Variants in NIPBL observed in about 807,000 individuals in gnomAD.
NIPBL encodes the protein nipped-B-like protein.
A neutral mutation model predicts 321.8 loss-of-function variants in NIPBL; 19 were observed. The ratio of observed to expected loss-of-function variants is 0.06; its 90% CI spans 0.04 to 0.09. The LOEUF (loss-of-function observed/expected upper bound fraction) is 0.09, where lower values mean the gene tolerates loss of function less well. Among genes scored for constraint, NIPBL ranks in the 10% least tolerant of loss-of-function variants. The pLI is 1.00. For synonymous variants in NIPBL, 1,106 were observed against 1,114.1 expected (o/e 0.99, Z 0.14); for missense variants, 2,210 against 3,327.0 (o/e 0.66, Z 8.26).
At chr5:37,013,199 G>C (rs1748419553) in intron 21 of NIPBL, among the ~76,000 whole-genome samples, 2 of 151,466 alleles carry the variant, frequency 1.3e-5, no homozygotes, top group African/African-American at 4.8e-5. Context: ...CCCGGACGGG[G>C]CGGCTGGCCG....
At chr5:36,968,103 A>T (rs1264117630) in intron 6 of NIPBL, among the ~76,000 whole-genome samples, 1 of 149,472 alleles carries the variant, frequency 6.7e-6, no homozygotes, top group Non-Finnish European at 1.5e-5. Flanking sequence ...CTCAAAAAAA[A>T]AAAAAAAACA....
chr5:37,048,470 A>C, intron 38 of NIPBL, 32 bp from the exon 39 acceptor site: 1 of 1,359,668 alleles, frequency 7.4e-7, no homozygotes. Flanking sequence ...TTTAATATGA[A>C]TATATGATGA....
chr5:36,878,486 TA>T (rs1745262805), intron 1 of NIPBL, among the ~76,000 whole-genome samples: 1 of 152,224 alleles, frequency 6.6e-6, no homozygotes, highest in Non-Finnish European at 1.5e-5. Flanking sequence ...GTACCTGGGT[TA>T]CACGTTTTGA....
intron 1 of NIPBL, among the ~76,000 whole-genome samples, chr5:36,908,359 A>G (rs1038044559): frequency 1.2e-4 from 19 of 152,186 alleles, no homozygotes; most frequent in African/African-American, 3.9e-4. Context: ...CATTTTGCAT[A>G]TTATGGATGT....
intron 1 of NIPBL, among the ~76,000 whole-genome samples, chr5:36,894,456 T>C (rs1200402829): frequency 6.6e-6 from 1 of 152,182 alleles, no homozygotes; most frequent in African/African-American, 2.4e-5. Flanking sequence ...CAAAAATACA[T>C]GTATATAAAA....
At position 37,006,542 on chromosome 5, in the gene NIPBL, A is replaced by T; in HGVS notation, c.4041A>T (p.Thr1347=). ...IQYTKFHLQN[T]LYPQYDPVYR... Reference sequence around the variant, plus strand: ...ACACTAAATTTCATTTGCAGAATACACTTTATCCTCAGTATGATCCTGTTT... The same window carrying T: ...ACACTAAATTTCATTTGCAGAATACTCTTTATCCTCAGTATGATCCTGTTT... The change falls in exon 17 of 47, where the codon ACA becomes ACT. Residue 1347 remains threonine (T), a synonymous_variant. Coordinates refer to ENST00000282516, the MANE Select transcript of NIPBL (RefSeq NM_133433.4). 2 of 1,610,380 alleles carry T rather than the reference A, an allele frequency of 1.2e-6. No individual in the cohort carries two copies. Among genetic ancestry groups the T allele is most frequent in the Non-Finnish European group, 1.7e-6 (2 of 1,177,084 alleles).
chr5:36,936,251 A>G (rs1738413402), intron 1 of NIPBL, among the ~76,000 whole-genome samples: 2 of 152,152 alleles, frequency 1.3e-5, no homozygotes, highest in African/African-American at 2.4e-5. Flanking sequence ...ATTTTTGAGT[A>G]TATATAACAT....
intron 40 of NIPBL, among the ~76,000 whole-genome samples, chr5:37,050,764 AT>A (rs1753453024): frequency 1.3e-5 from 2 of 152,180 alleles, no homozygotes. Flanking sequence ...CTGATACAAT[AT>A]TATCTAATAT....
At chr5:36,961,237 C>T (rs1707010481) in intron 4 of NIPBL, among the ~76,000 whole-genome samples, 1 of 152,058 alleles carries the variant, frequency 6.6e-6, no homozygotes. Context: ...ATTGAGTAAG[C>T]AAGTAAATTT....
chr5:36,891,967 A>G (rs1333754241), intron 1 of NIPBL, among the ~76,000 whole-genome samples: 2 of 152,172 alleles, frequency 1.3e-5, no homozygotes, highest in East Asian at 1.9e-4. Flanking sequence ...ATGTGGGCAT[A>G]TGAGAGTAGA....
At position 36,985,802 on chromosome 5, in the gene NIPBL, A is replaced by G. The variant is rs756495812; in HGVS notation, c.2622A>G (p.Ser874=). The change falls in exon 10 of 47, where the codon TCA becomes TCG. Residue 874 remains serine (S), a synonymous_variant. Transcript: ENST00000282516. The part of the protein sequence containing the change: ...DKLERKHRHE[S]GDSRERPSSG... ...TAGAACGAAAACACAGGCATGAATC[A>G]GGGGACTCAAGGGAAAGACCATCTT... 1.2e-6 allele frequency: 2 copies of G among 1,613,974 alleles called. No homozygotes were observed. The highest frequency in any genetic ancestry group is 1.1e-5 in the South Asian group (1 of 91,078).
At chr5:36,886,682 G>C (rs1344674669) in intron 1 of NIPBL, among the ~76,000 whole-genome samples, 1 of 151,724 alleles carries the variant, frequency 6.6e-6, no homozygotes, top group Non-Finnish European at 1.5e-5. Flanking sequence ...AGTTTGATGA[G>C]TTTTGACAAA....
intron 1 of NIPBL, among the ~76,000 whole-genome samples, chr5:36,948,332 A>G (rs896620559): frequency 1.3e-5 from 2 of 151,954 alleles, no homozygotes; most frequent in African/African-American, 4.8e-5. Context: ...AGGTACTTAC[A>G]GGTTTGAATG....
chr5:37,055,868 A>G (rs866871125), intron 42 of NIPBL, among the ~76,000 whole-genome samples: 27 of 152,132 alleles, frequency 1.8e-4, no homozygotes, highest in Middle Eastern at 3.4e-3. Context: ...AAAACTGGAC[A>G]GGCCTGGTGG....
intron 30 of NIPBL, among the ~76,000 whole-genome samples, chr5:37,025,666 A>C (rs1390742189): frequency 6.6e-6 from 1 of 152,218 alleles, no homozygotes; most frequent in Non-Finnish European, 1.5e-5. Context: ...GAATGGAAAT[A>C]GGATGTTCCT....
intron 44 of NIPBL, 103 bp from the exon 45 acceptor site, chr5:37,060,741 G>T: frequency 1.0e-6 from 1 of 977,058 alleles, no homozygotes; most frequent in East Asian, 2.6e-5. Context: ...ATAGACATGA[G>T]AAACTAATTT....
At chr5:36,909,722 T>G (rs769346757) in intron 1 of NIPBL, among the ~76,000 whole-genome samples, 1 of 152,136 alleles carries the variant, frequency 6.6e-6, no homozygotes, top group African/African-American at 2.4e-5. Context: ...GTTTATTATT[T>G]AAAAGGAACC....
intron 1 of NIPBL, among the ~76,000 whole-genome samples, chr5:36,909,436 A>C (rs1747880243): frequency 6.6e-6 from 1 of 152,180 alleles, no homozygotes; most frequent in Non-Finnish European, 1.5e-5. Context: ...GACTTGCTAC[A>C]GTGTTTTTGG....
At chr5:36,879,381 A>G (rs979466588) in intron 1 of NIPBL, among the ~76,000 whole-genome samples, 3 of 152,202 alleles carry the variant, frequency 2.0e-5, no homozygotes, top group Non-Finnish European at 4.4e-5. Flanking sequence ...TTTGTGAGTA[A>G]TATAGGTTGT....
Sources: allele counts gnomAD v4.1 joint callset (sites outside exome capture counted in the v4.1 genomes callset), GRCh38; gene constraint gnomAD v4.1.1; transcripts MANE v1.5; gene names NCBI Gene and HGNC (gene_info 2026-07-23, HGNC 2026-07-21).